The following GLIS3 variants were observed in gnomAD, a reference collection of about 807,000 sequenced individuals.
GLIS3 encodes GLIS family zinc finger 3.
In GLIS3, 53 loss-of-function variants were observed where a neutral mutation model predicts 78.6. That is an observed-to-expected ratio of 0.67 (90% CI 0.54 to 0.85). The LOEUF (loss-of-function observed/expected upper bound fraction) is 0.85, where lower values mean the gene tolerates loss of function less well. Ranked by LOEUF, GLIS3 falls within the 40% of genes least tolerant of loss-of-function variation. The pLI is 0.00. For synonymous variants in GLIS3, 684 were observed against 509.9 expected (o/e 1.34, Z -4.60); for missense variants, 1,703 against 1,231.1 (o/e 1.38, Z -5.74).
intron 2 of GLIS3, among the ~76,000 whole-genome samples, chr9:4,346,604 G>A (rs1817900803): frequency 1.3e-5 from 2 of 152,132 alleles, no homozygotes; most frequent in South Asian, 4.1e-4. Flanking sequence ...GCACCTTTAT[G>A]GCCATCCTTG....
the GLIS3 span, among the ~76,000 whole-genome samples, chr9:4,377,376 TCTTTGG>T: frequency 9.1e-4 from 123 of 135,668 alleles, 20 homozygotes; most frequent in Admixed American, 2.6e-3. Context: ...GACTCCAGGT[TCTTTGG>T]CTTTTGGAAT....
chr9:4,254,275 T>C (rs1297387063), intron 2 of GLIS3, among the ~76,000 whole-genome samples: 2 of 152,206 alleles, frequency 1.3e-5, no homozygotes, highest in East Asian at 3.9e-4. Flanking sequence ...AGTCCATTCA[T>C]GATATCAACA....
Position 3,826,012 on chromosome 9 carries a change from G to A in GLIS3, c.*2260C>T, listed in dbSNP as rs2129892124. On this transcript the variant is annotated 3_prime_UTR_variant, in exon 11 of 11. Transcript: ENST00000381971. Reference sequence around the variant, plus strand: ...TGTGAGAGGCCACAGGAAGACTGGAGCCTGGTTCACAAGCAGCTCCTCTCA... The same window carrying A: ...TGTGAGAGGCCACAGGAAGACTGGAACCTGGTTCACAAGCAGCTCCTCTCA... The A allele has an allele frequency of 6.6e-6, 1 of 152,322 alleles. No homozygotes were observed. 9.4% of individuals were successfully genotyped at this position (152,322 alleles called of 1,614,324 possible). A position where few individuals can be genotyped will look rare whatever the true frequency, so the allele number is the denominator to read the frequency against.
At chr9:4,385,274 A>AGAT in the GLIS3 span, among the ~76,000 whole-genome samples, 28 of 152,280 alleles carry the variant, frequency 1.8e-4, no homozygotes, top group African/African-American at 6.0e-4. Context: ...CCAACCCCAA[A>AGAT]GATAGAAGTT....
At chr9:4,124,469 C>T (rs1039935165) in intron 3 of GLIS3, among the ~76,000 whole-genome samples, 5 of 152,202 alleles carry the variant, frequency 3.3e-5, no homozygotes, top group African/African-American at 1.2e-4. Context: ...AGAAAGGAAG[C>T]TGAAGGCTTC....
intron 2 of GLIS3, among the ~76,000 whole-genome samples, chr9:4,228,315 A>C (rs1821957746): frequency 6.6e-6 from 1 of 151,170 alleles, no homozygotes; most frequent in African/African-American, 2.4e-5. Context: ...CTGACAAGGG[A>C]GTATAGGGGA....
the GLIS3 span, among the ~76,000 whole-genome samples, chr9:4,395,987 T>C: frequency 6.6e-6 from 1 of 152,084 alleles, no homozygotes; most frequent in Admixed American, 6.5e-5. Context: ...TTGGCTAGGA[T>C]GGTGTCGATC....
intron 7 of GLIS3, among the ~76,000 whole-genome samples, chr9:3,884,936 C>T (rs1447438057): frequency 6.6e-6 from 1 of 152,146 alleles, no homozygotes; most frequent in African/African-American, 2.4e-5. Flanking sequence ...CTGCTTGTTG[C>T]CAATAGCCAC....
At chr9:3,965,193 C>CTT (rs34951383) in intron 4 of GLIS3, among the ~76,000 whole-genome samples, 172 of 100,158 alleles carry the variant, frequency 1.7e-3, no homozygotes, top group African/African-American at 2.3e-3. Flanking sequence ...CTTTTCTTTT[C>CTT]TTTTTTTTTT....
chr9:4,128,407 T>A (rs951033435), intron 2 of GLIS3, among the ~76,000 whole-genome samples: 6 of 152,364 alleles, frequency 3.9e-5, no homozygotes, highest in African/African-American at 1.2e-4. Flanking sequence ...ACAAAGCTCT[T>A]GTTTGAAGCA....
chr9:4,297,132 AAAG>A (rs1816601936), intron 1 of GLIS3, among the ~76,000 whole-genome samples: 1 of 152,150 alleles, frequency 6.6e-6, no homozygotes, highest in African/African-American at 2.4e-5. Flanking sequence ...AAAAAAAAAA[AAAG>A]TTTAGTCTAA....
chr9:4,369,375 G>T, the GLIS3 span, among the ~76,000 whole-genome samples: 2 of 152,180 alleles, frequency 1.3e-5, no homozygotes, highest in African/African-American at 4.8e-5. Context: ...TGTAAAATAA[G>T]AACAATAATA....
intron 2 of GLIS3, among the ~76,000 whole-genome samples, chr9:4,146,980 A>C (rs966094234): frequency 3.3e-5 from 5 of 152,200 alleles, no homozygotes; most frequent in Admixed American, 2.6e-4. Flanking sequence ...AGTCAAATGC[A>C]CTAGATCTTA....
At chr9:4,007,936 T>C (rs192040826) in intron 4 of GLIS3, among the ~76,000 whole-genome samples, 12 of 150,778 alleles carry the variant, frequency 8.0e-5, no homozygotes, top group African/African-American at 2.4e-4. Flanking sequence ...TCACTCCAGA[T>C]AGCTTGGGCC....
the GLIS3 span, among the ~76,000 whole-genome samples, chr9:4,436,915 G>C: frequency 0.2 from 29,959 of 151,668 alleles, 3,183 homozygotes; most frequent in Middle Eastern, 0.29. Context: ...CAGAATAATG[G>C]AGAGAGAACA....
chr9:4,265,681 A>G (rs966195531), intron 2 of GLIS3, among the ~76,000 whole-genome samples: 2 of 152,202 alleles, frequency 1.3e-5, no homozygotes, highest in African/African-American at 4.8e-5. Context: ...CTGGCCATAG[A>G]CTAATGCAGA....
intron 4 of GLIS3, among the ~76,000 whole-genome samples, chr9:4,081,073 C>A (rs1204174352): frequency 6.6e-6 from 1 of 152,144 alleles, no homozygotes; most frequent in Non-Finnish European, 1.5e-5. Flanking sequence ...GAATCTGCCC[C>A]AGAACTGTTT....
chr9:4,105,811 CA>C (rs1830706829), intron 4 of GLIS3, among the ~76,000 whole-genome samples: 1 of 152,118 alleles, frequency 6.6e-6, no homozygotes, highest in Non-Finnish European at 1.5e-5. Context: ...GGGCACAGCA[CA>C]AAACCAGAGT....
At chr9:3,912,274 T>C (rs770352967) in intron 6 of GLIS3, among the ~76,000 whole-genome samples, 1 of 152,200 alleles carries the variant, frequency 6.6e-6, no homozygotes, top group Non-Finnish European at 1.5e-5. Context: ...TCTTGCTTAT[T>C]AGCCTCAGAA....
Sources: allele counts gnomAD v4.1 joint callset (sites outside exome capture counted in the v4.1 genomes callset), GRCh38; gene constraint gnomAD v4.1.1; transcripts MANE v1.5; gene names NCBI Gene and HGNC (gene_info 2026-07-23, HGNC 2026-07-21).